WWOX: variants seen among roughly 807,000 people sequenced by gnomAD.
The protein encoded by WWOX is WW domain containing oxidoreductase.
In WWOX, 69 loss-of-function variants were observed where a neutral mutation model predicts 46.2. The observed-to-expected ratio is 1.49, with a 90% confidence interval of 1.23 to 1.82. The LOEUF (loss-of-function observed/expected upper bound fraction) is 1.82, where lower values mean the gene tolerates loss of function less well. Ranked by LOEUF, WWOX falls within the 40% of genes most tolerant of loss-of-function variation. WWOX has a pLI of 0.00. For missense variants in WWOX, 919 were observed against 542.6 expected, an observed-to-expected ratio of 1.69 and a Z score of -6.89; for synonymous variants, 359 against 202.6, an observed-to-expected ratio of 1.77 and a Z score of -6.56.
chr16:79,012,566 A>G (rs1053741838), intron 8 of WWOX, among the ~76,000 whole-genome samples: 1 of 152,134 alleles, frequency 6.6e-6, no homozygotes, highest in Non-Finnish European at 1.5e-5. Flanking sequence ...TATCATTGTG[A>G]TCAATTTGAA....
intron 8 of WWOX, among the ~76,000 whole-genome samples, chr16:79,079,991 T>G (rs760035102): frequency 1.8e-4 from 28 of 152,222 alleles, no homozygotes; most frequent in Non-Finnish European, 3.7e-4. Context: ...GGGTATTTGT[T>G]GAATATTTAT....
At chr16:78,743,075 G>T (rs527894232) in intron 8 of WWOX, among the ~76,000 whole-genome samples, 21 of 152,148 alleles carry the variant, frequency 1.4e-4, no homozygotes, top group African/African-American at 3.9e-4. Flanking sequence ...AAGTGAACCC[G>T]ATCAGCCCCC....
intron 8 of WWOX, among the ~76,000 whole-genome samples, chr16:79,095,249 G>A (rs1308852675): frequency 6.6e-6 from 1 of 150,454 alleles, no homozygotes; most frequent in East Asian, 2.1e-4. Context: ...GTTTTATTTA[G>A]CGGGAGAAGA....
At chr16:78,936,368 C>T (rs1431784149) in intron 8 of WWOX, among the ~76,000 whole-genome samples, 1 of 152,090 alleles carries the variant, frequency 6.6e-6, no homozygotes, top group Non-Finnish European at 1.5e-5. Context: ...CTTTTGAAGA[C>T]CCCAAAACTA....
chr16:79,054,996 C>T (rs1312413588), intron 8 of WWOX, among the ~76,000 whole-genome samples: 1 of 152,196 alleles, frequency 6.6e-6, no homozygotes, highest in Non-Finnish European at 1.5e-5. Context: ...ACTGACTAAT[C>T]AGGCTGATAA....
intron 8 of WWOX, among the ~76,000 whole-genome samples, chr16:78,938,690 C>G (rs2045791964): frequency 6.6e-6 from 1 of 152,088 alleles, no homozygotes; most frequent in Non-Finnish European, 1.5e-5. Context: ...GCAATGAAGG[C>G]AGACTAAGTG....
At chr16:78,597,042 C>A (rs2045507677) in intron 8 of WWOX, among the ~76,000 whole-genome samples, 1 of 152,316 alleles carries the variant, frequency 6.6e-6, no homozygotes, top group Middle Eastern at 3.4e-3. Flanking sequence ...ATTGCTGCTC[C>A]CCTACCCTCT....
At position 78,285,153 on chromosome 16, in the gene WWOX, G is replaced by A. The variant is rs777181282; in HGVS notation, c.517-101707G>A. 1.7e-4 allele frequency among the ~76,000 whole-genome samples: 26 copies of A among 152,280 alleles called. No individual in the cohort carries two copies. The South Asian group carries it at 4.6e-3, about 27-fold the overall frequency. ...ACTCCCTCAGAAGGGAAGGATTGAGGCCAGGCAAGGTGGCTCACATCTATA... is the reference window on the plus strand; with the variant it reads ...ACTCCCTCAGAAGGGAAGGATTGAGACCAGGCAAGGTGGCTCACATCTATA... On this transcript the variant is annotated intron_variant, in intron 5 of 8. Coordinates refer to ENST00000566780, the MANE Select transcript of WWOX (RefSeq NM_016373.4).
chr16:78,359,820 G>T (rs2081371622), intron 5 of WWOX, among the ~76,000 whole-genome samples: 1 of 152,166 alleles, frequency 6.6e-6, no homozygotes, highest in Non-Finnish European at 1.5e-5. Flanking sequence ...GGGATGAACA[G>T]GGAAGACTTC....
intron 8 of WWOX, among the ~76,000 whole-genome samples, chr16:78,639,354 A>T (rs749409307): frequency 3.3e-5 from 5 of 152,166 alleles, no homozygotes; most frequent in African/African-American, 4.8e-5. Flanking sequence ...GCCGTATATG[A>T]CTTCATGGGA....
chr16:78,413,240 G>A (rs2082723672), intron 6 of WWOX, among the ~76,000 whole-genome samples: 1 of 152,188 alleles, frequency 6.6e-6, no homozygotes. Context: ...GTGGTGGATA[G>A]GGAGCCAGTG....
chr16:78,602,037 A>G (rs1343690876), intron 8 of WWOX, among the ~76,000 whole-genome samples: 1 of 152,236 alleles, frequency 6.6e-6, no homozygotes. Flanking sequence ...GAAATATCTT[A>G]TTAAAATGCA....
At chr16:78,201,863 C>A (rs2151776406) in intron 5 of WWOX, among the ~76,000 whole-genome samples, 1 of 152,002 alleles carries the variant, frequency 6.6e-6, no homozygotes, top group South Asian at 2.1e-4. Flanking sequence ...CCATGCCTGG[C>A]TAATTTTTTG....
chr16:79,157,238 AAG>A (rs1319743866), intron 8 of WWOX, among the ~76,000 whole-genome samples: 2 of 152,188 alleles, frequency 1.3e-5, no homozygotes, highest in African/African-American at 4.8e-5. Flanking sequence ...AAGAGCATTC[AAG>A]AGTCTGTCAG....
chr16:78,939,753 C>G (rs886992257), intron 8 of WWOX, among the ~76,000 whole-genome samples: 1 of 152,182 alleles, frequency 6.6e-6, no homozygotes, highest in Middle Eastern at 3.2e-3. Flanking sequence ...TAACCCAGCC[C>G]CTTTTAATGA....
intron 8 of WWOX, among the ~76,000 whole-genome samples, chr16:79,030,870 C>G (rs1364643342): frequency 6.6e-6 from 1 of 151,976 alleles, no homozygotes; most frequent in East Asian, 1.9e-4. Flanking sequence ...ATCGCTTGAG[C>G]CCAGGAGCTT....
rs370792938 is a variant in WWOX, at chr16:78,432,622, G to A, written c.926G>A (p.Arg309His). Residue 309 changes from arginine (R) to histidine (H), a missense_variant, in exon 8 of 9, where the codon CGT becomes CAT. By Grantham distance (29) the Arg-to-His change is conservative. Coordinates refer to ENST00000566780, the MANE Select transcript of WWOX (RefSeq NM_016373.4). ...ATCCTCTTCTCCAACGAGCTGCACC[G>A]TCGCCTCTCCCCACGCGGGGTCACG... The part of the protein sequence containing the change: ...CNILFSNELH[R>H]RLSPRGVTSN... 2.8e-5 allele frequency: 46 copies of A among 1,614,078 alleles called. 1 individual carries two copies. Among genetic ancestry groups the A allele is most frequent in the South Asian group, 2.6e-4 (24 of 91,090 alleles).
At chr16:79,027,933 CTTTG>C (rs2047678312) in intron 8 of WWOX, among the ~76,000 whole-genome samples, 1 of 151,454 alleles carries the variant, frequency 6.6e-6, no homozygotes, top group Admixed American at 6.6e-5. Flanking sequence ...CTTTATTTTC[CTTTG>C]TTTTTCTTTT....
intron 8 of WWOX, among the ~76,000 whole-genome samples, chr16:79,211,034 A>AGTGTGTGTGTGTGTGT (rs58334968): frequency 0.019 from 2,904 of 149,674 alleles, 53 homozygotes; most frequent in South Asian, 0.032. Context: ...TATGGTGAGG[A>AGTGTGTGTGTGTGTGT]GTGTGTGTGT....
Sources: allele counts gnomAD v4.1 joint callset (sites outside exome capture counted in the v4.1 genomes callset), GRCh38; gene constraint gnomAD v4.1.1; transcripts MANE v1.5; gene names NCBI Gene and HGNC (gene_info 2026-07-23, HGNC 2026-07-21).